ZFYVE9: variants seen among roughly 807,000 people sequenced by gnomAD.
ZFYVE9 encodes the protein zinc finger FYVE-type containing 9.
ZFYVE9 carries 43 observed loss-of-function variants against 126.7 expected under a neutral mutation model. That is an observed-to-expected ratio of 0.34 (90% CI 0.27 to 0.44). The LOEUF is 0.44. Ranked by LOEUF, ZFYVE9 falls within the 20% of genes least tolerant of loss-of-function variation. ZFYVE9 has a pLI of 1.00. For synonymous variants in ZFYVE9, 521 were observed against 597.4 expected (o/e 0.87, Z 1.87); for missense variants, 1,476 against 1,697.0 (o/e 0.87, Z 2.29).
At chr1:52,316,082 C>G (rs1184510404) in intron 13 of ZFYVE9, among the ~76,000 whole-genome samples, 2 of 128,586 alleles carry the variant, frequency 1.6e-5, no homozygotes, top group African/African-American at 5.7e-5. Context: ...GGAGAATCAC[C>G]TGAACCCAGA....
intron 2 of ZFYVE9, among the ~76,000 whole-genome samples, chr1:52,232,896 A>G (rs1024664314): frequency 2.0e-5 from 3 of 152,052 alleles, no homozygotes; most frequent in Admixed American, 1.3e-4. Context: ...ATACCAAACA[A>G]TGATTCCTTT....
intron 5 of ZFYVE9, among the ~76,000 whole-genome samples, chr1:52,264,998 G>T (rs1394369154): frequency 1.3e-5 from 2 of 152,188 alleles, no homozygotes; most frequent in African/African-American, 4.8e-5. Flanking sequence ...ATAAGAGCAT[G>T]CTGCTTAATT....
intron 2 of ZFYVE9, among the ~76,000 whole-genome samples, chr1:52,222,059 A>G (rs1382684635): frequency 6.6e-6 from 1 of 152,174 alleles, no homozygotes; most frequent in Non-Finnish European, 1.5e-5. Context: ...TAGGTGTCCT[A>G]GGTATTTCAC....
At chr1:52,270,070 C>G (rs1198106167) in intron 7 of ZFYVE9, among the ~76,000 whole-genome samples, 1 of 152,156 alleles carries the variant, frequency 6.6e-6, no homozygotes, top group African/African-American at 2.4e-5. Context: ...TACCACTTCA[C>G]AGTACACACG....
At chr1:52,253,588 T>A (rs1645473348) in intron 4 of ZFYVE9, 2 of 1,018,012 alleles carry the variant, frequency 2.0e-6, no homozygotes, top group Non-Finnish European at 3.1e-6. Context: ...CCTGAGAACC[T>A]GAGTTTTGGC....
At chr1:52,305,388 C>G (rs541775792) in intron 13 of ZFYVE9, among the ~76,000 whole-genome samples, 10 of 152,312 alleles carry the variant, frequency 6.6e-5, no homozygotes, top group African/African-American at 2.2e-4. Context: ...GAGATCTCAC[C>G]ATTGGACTCC....
chr1:52,191,601 G>A (rs546506193), intron 1 of ZFYVE9, among the ~76,000 whole-genome samples: 5 of 152,130 alleles, frequency 3.3e-5, no homozygotes, highest in African/African-American at 1.2e-4. Context: ...GACCCAGATG[G>A]GTTAGATATT....
chr1:52,172,096 A>G (rs576415656), intron 1 of ZFYVE9, among the ~76,000 whole-genome samples: 1 of 152,226 alleles, frequency 6.6e-6, no homozygotes, highest in Admixed American at 6.5e-5. Flanking sequence ...CCTGAATGGT[A>G]ATGCCTAGGT....
chr1:52,314,299 C>A (rs948219761), intron 13 of ZFYVE9, among the ~76,000 whole-genome samples: 3 of 152,130 alleles, frequency 2.0e-5, no homozygotes, highest in Admixed American at 6.6e-5. Flanking sequence ...GAAAACAATG[C>A]AAGTTGCAAG....
intron 18 of ZFYVE9, 71 bp downstream of exon 18, chr1:52,345,015 T>G: frequency 6.5e-7 from 1 of 1,542,052 alleles, no homozygotes; most frequent in South Asian, 1.1e-5. Flanking sequence ...TGAGTTTTTC[T>G]GCATCACCCC....
In ZFYVE9 at chr1:52,274,532, T is replaced by C. The variant is rs1480395856; in HGVS notation, c.2694T>C (p.Leu898=). The C allele has an allele frequency of 6.2e-7, 1 of 1,612,920 alleles. No individual in the cohort carries two copies. The highest frequency in any genetic ancestry group is 1.7e-5 in the Admixed American group (1 of 60,018). ...GTCCTGTTGGAAGTGCAATGAATCT[T>C]ATTCCTGAAGATGGCCTTCCTCCCA... ...VGSPVGSAMN[L]IPEDGLPPIL... The change falls in exon 8 of 19, where the codon CTT becomes CTC. Residue 898 remains leucine, a synonymous_variant. Coordinates refer to ENST00000287727, the MANE Select transcript of ZFYVE9 (RefSeq NM_004799.4).
rs535767235 is a variant in ZFYVE9 at position 52,198,676 on chromosome 1, T to A, written c.-142-17693T>A. Among the ~76,000 whole-genome samples, 31 of 152,344 alleles carry A rather than the reference T, an allele frequency of 2.0e-4. 1 individual carries two copies. The highest frequency in any genetic ancestry group is 7.2e-4 in the African/African-American group (30 of 41,580). ...AGTGAAATATATCACTTGCATTGAC[T>A]GGATCAGTAGTGATTCATAACGCTG... On this transcript the variant is annotated intron_variant, in intron 1 of 18. Coordinates refer to ENST00000287727, the MANE Select transcript of ZFYVE9 (RefSeq NM_004799.4).
In ZFYVE9 at chr1:52,238,370, T is replaced by C; in HGVS notation, c.953T>C (p.Leu318Ser). 6.2e-7 allele frequency: 1 copy of C among 1,613,752 alleles called. No homozygotes were observed. The highest frequency in any genetic ancestry group is 8.5e-7 in the Non-Finnish European group (1 of 1,179,926). Residue 318 changes from leucine to serine, a missense_variant, in exon 4 of 19, where the codon TTG (leucine) becomes TCG (serine). Leu to Ser is a moderately radical substitution (Grantham distance 145, BLOSUM62 -2). This residue lies in a region of ZFYVE9 where 807 missense variants were observed against 794.6 expected (regional missense o/e 1.02). Transcript: ENST00000287727. Reference sequence around the variant, plus strand: ...TTTTCCCACATGAGTGAGGGGATTTTGATGAAAAAAGAGCCAGCAGAGGAG... The same window carrying C: ...TTTTCCCACATGAGTGAGGGGATTTCGATGAAAAAAGAGCCAGCAGAGGAG... The part of the protein sequence containing the change: ...NSFSHMSEGI[L>S]MKKEPAEEST...
chr1:52,232,660 A>G (rs1041719819), intron 2 of ZFYVE9, among the ~76,000 whole-genome samples: 3 of 145,726 alleles, frequency 2.1e-5, no homozygotes, highest in Admixed American at 6.9e-5. Flanking sequence ...CTCGGGAGGC[A>G]GAGGTTGCAG....
At position 52,258,718 on chromosome 1, in the gene ZFYVE9, C is replaced by T. The variant is rs1223369199; in HGVS notation, c.2179-5055C>T. 3.3e-5 allele frequency among the ~76,000 whole-genome samples: 5 copies of T among 152,166 alleles called. No homozygotes were observed. The East Asian group carries it at 7.7e-4, about 23-fold the overall frequency. On this transcript the variant is annotated intron_variant, in intron 4 of 18. Coordinates refer to ENST00000287727, the MANE Select transcript of ZFYVE9 (RefSeq NM_004799.4). ...TTCTTATGACCTATGAATCTCACTACGTCATAGTCTGGCGTTGAAGAGTCA... is the reference window on the plus strand; with the variant it reads ...TTCTTATGACCTATGAATCTCACTATGTCATAGTCTGGCGTTGAAGAGTCA...
chr1:52,181,965 C>T (rs887759607), intron 1 of ZFYVE9, among the ~76,000 whole-genome samples: 11 of 151,584 alleles, frequency 7.3e-5, no homozygotes, highest in Middle Eastern at 3.2e-3. Flanking sequence ...GGTCAGCCAC[C>T]GCCAGGCCAG....
chr1:52,338,350 A>G (rs1475209175), intron 16 of ZFYVE9, among the ~76,000 whole-genome samples: 1 of 152,190 alleles, frequency 6.6e-6, no homozygotes, highest in African/African-American at 2.4e-5. Flanking sequence ...GGAAGTGATA[A>G]GACTAGCTCT....
intron 1 of ZFYVE9, among the ~76,000 whole-genome samples, chr1:52,169,435 CCT>C (rs914536034): frequency 2.6e-5 from 4 of 152,004 alleles, no homozygotes; most frequent in African/African-American, 7.2e-5. Flanking sequence ...CTCAAATTTT[CCT>C]CTCTCTTTAT....
chr1:52,238,494 A>G lies in ZFYVE9; in HGVS notation c.1077A>G (p.Ser359=), dbSNP rs1645299173. The change falls in exon 4 of 19, where the codon TCA becomes TCG. Residue 359 remains serine (S), a synonymous_variant. Transcript: ENST00000287727. The part of the protein sequence containing the change: ...SGRNNDCERC[S]DCLVPNEVRA... ...GGAATAATGACTGTGAACGGTGTTCAGATTGCCTTGTGCCTAATGAAGTTA... is the reference window on the plus strand; with the variant it reads ...GGAATAATGACTGTGAACGGTGTTCGGATTGCCTTGTGCCTAATGAAGTTA... The G allele has an allele frequency of 6.2e-7, 1 of 1,614,036 alleles. No individual in the cohort carries two copies. The highest frequency in any genetic ancestry group is 1.3e-5 in the African/African-American group (1 of 74,940).
Sources: allele counts gnomAD v4.1 joint callset (sites outside exome capture counted in the v4.1 genomes callset), GRCh38; gene constraint gnomAD v4.1.1; regional missense constraint gnomAD v4.1.1; transcripts MANE v1.5; gene names NCBI Gene and HGNC (gene_info 2026-07-23, HGNC 2026-07-21).